The following MORN1 variants were observed in gnomAD, a reference collection of about 807,000 sequenced individuals.
MORN1 encodes MORN repeat containing 1.
Under a neutral mutation model 61.9 loss-of-function variants are expected in MORN1, and 67 were observed. The observed-to-expected ratio is 1.08, with a 90% CI of 0.89 to 1.33. The LOEUF is 1.33. MORN1 is among the 40% of genes most tolerant of loss of function. The pLI is 0.00. For synonymous variants in MORN1, 301 were observed against 292.0 expected, an observed-to-expected ratio of 1.03 and a Z score of -0.31; for missense variants, 752 against 691.2, an observed-to-expected ratio of 1.09 and a Z score of -0.99.
At chr1:2,388,412 C>A in intron 2 of MORN1, 75 bp from the exon 3 acceptor site, 1 of 1,192,656 alleles carries the variant, frequency 8.4e-7, no homozygotes, top group Non-Finnish European at 1.2e-6. Flanking sequence ...AGTGTTGGGC[C>A]TGTTTCTCAG....
chr1:2,389,900 A>G, intron 2 of MORN1, 25 bp downstream of exon 2: 2 of 1,609,264 alleles, frequency 1.2e-6, no homozygotes, highest in Non-Finnish European at 1.7e-6. Context: ...AGCAGCTGCA[A>G]GAAGAGACCA....
chr1:2,325,764 G>A (rs1400883125), intron 12 of MORN1, among the ~76,000 whole-genome samples: 1 of 150,286 alleles, frequency 6.7e-6, no homozygotes, highest in South Asian at 2.1e-4. Flanking sequence ...TAAGATTACA[G>A]GCACGTGCCA....
At chr1:2,323,041 C>G (rs1020281620) in intron 13 of MORN1, 2 of 985,452 alleles carry the variant, frequency 2.0e-6, no homozygotes, top group Non-Finnish European at 2.4e-6. Flanking sequence ...CTGTCTCCGC[C>G]GAGCACATAA....
chr1:2,345,879 C>T (rs1053359665), intron 10 of MORN1, among the ~76,000 whole-genome samples: 12 of 151,938 alleles, frequency 7.9e-5, no homozygotes, highest in East Asian at 1.9e-4. Flanking sequence ...ATCTCTATGA[C>T]GCACACCCCG....
intron 10 of MORN1, among the ~76,000 whole-genome samples, chr1:2,341,692 G>GAAAAAAAAAAAAA (rs68071614): frequency 7.5e-6 from 1 of 133,782 alleles, no homozygotes; most frequent in Non-Finnish European, 1.6e-5. Context: ...TCCGTCTCAA[G>GAAAAAAAAAAAAA]AAAAAAAAAA....
chr1:2,379,638 G>C (rs1642326909), intron 6 of MORN1, among the ~76,000 whole-genome samples: 2 of 152,236 alleles, frequency 1.3e-5, no homozygotes, highest in African/African-American at 4.8e-5. Context: ...CGGGTGCGCA[G>C]TGGTGGCCAC....
At chr1:2,331,871 G>A (rs1266400376) in intron 12 of MORN1, among the ~76,000 whole-genome samples, 2 of 94,584 alleles carry the variant, frequency 2.1e-5, no homozygotes, top group African/African-American at 4.9e-5. Context: ...CCTCTCCCTC[G>A]TGCGCCTCTC....
intron 13 of MORN1, chr1:2,322,605 C>T (rs994848464): frequency 1.0e-6 from 1 of 985,258 alleles, no homozygotes; most frequent in Non-Finnish European, 1.2e-6. Flanking sequence ...GACACACGTT[C>T]TGCAACCTGG....
intron 9 of MORN1, among the ~76,000 whole-genome samples, chr1:2,358,367 G>A (rs556342325): frequency 1.3e-5 from 2 of 152,282 alleles, no homozygotes; most frequent in South Asian, 4.1e-4. Context: ...GAGACTAGGG[G>A]CTCTGACCAG....
At position 2,367,620 on chromosome 1, in the gene MORN1, C is replaced by T. The variant is rs143243451; in HGVS notation, c.745+4861G>A. Among the ~76,000 whole-genome samples the T allele has an allele frequency of 1.8e-4, 28 of 152,256 alleles. No homozygotes were observed. In the East Asian group the frequency reaches 3.1e-3, roughly 17 times the overall value. On this transcript the variant is annotated intron_variant, in intron 8 of 13. Coordinates refer to ENST00000378531, the MANE Select transcript of MORN1 (RefSeq NM_024848.3). ...AGATTAATACCGAACGGTTCACAGTCCTAAATGTAAGAGCTAAAAATATGT... is the reference window on the plus strand; with the variant it reads ...AGATTAATACCGAACGGTTCACAGTTCTAAATGTAAGAGCTAAAAATATGT...
At chr1:2,333,020 C>G (rs1641192943) in intron 12 of MORN1, among the ~76,000 whole-genome samples, 1 of 152,234 alleles carries the variant, frequency 6.6e-6, no homozygotes, top group African/African-American at 2.4e-5. Context: ...GGGGCTTGCT[C>G]TGGAACTGGA....
In MORN1 at chr1:2,324,097, C is replaced by T; in HGVS notation, c.1297G>A (p.Gly433Arg). Reference protein sequence around the residue: ...TEEQAAAAHLGEYVLMIRDVT... With the variant: ...TEEQAAAAHLREYVLMIRDVT... ...ATGGACTTGGGCCCTGTCCACCTAC[C>T]TAGGTGTGCTGCCGCAGCCTGCTCC... The change falls in exon 13 of 14, where the codon GGG becomes AGG. Residue 433 changes from glycine to arginine, a missense_variant and splice_region_variant. Transcript: ENST00000378531. The T allele has an allele frequency of 1.9e-6, 3 of 1,598,584 alleles. No individual in the cohort carries two copies. Among genetic ancestry groups the T allele is most frequent in the South Asian group, 2.3e-5 (2 of 88,714 alleles).
At chr1:2,322,285 C>T (rs1195487979) in intron 13 of MORN1, 5 of 985,492 alleles carry the variant, frequency 5.1e-6, no homozygotes, top group South Asian at 4.7e-5. Flanking sequence ...CTGAGCCTGC[C>T]GGGGCTGGCA....
intron 10 of MORN1, chr1:2,355,044 A>C: frequency 9.0e-4 from 354 of 392,392 alleles, no homozygotes; most frequent in Middle Eastern, 1.3e-3. Flanking sequence ...CCCCCCAGGT[A>C]GGATCCGCCC....
At chr1:2,360,904 G>T (rs1641878797) in intron 8 of MORN1, among the ~76,000 whole-genome samples, 1 of 152,224 alleles carries the variant, frequency 6.6e-6, no homozygotes, top group African/African-American at 2.4e-5. Context: ...CCATTGGTGT[G>T]AGGCAGACGG....
At chr1:2,366,971 AATAC>A (rs1210331231) in intron 8 of MORN1, among the ~76,000 whole-genome samples, 2 of 151,232 alleles carry the variant, frequency 1.3e-5, no homozygotes, top group Non-Finnish European at 3.0e-5. Context: ...TACATAGAAA[AATAC>A]ATAGAAAAAT....
chr1:2,351,851 C>A, intron 10 of MORN1: 1 of 514,650 alleles, frequency 1.9e-6, no homozygotes, highest in Non-Finnish European at 3.8e-6. Flanking sequence ...TACTCTTGCC[C>A]ACGGTCACGA....
chr1:2,325,107 T>TCCTTCCCTA (rs1420079302), intron 12 of MORN1, among the ~76,000 whole-genome samples: 1 of 98,552 alleles, frequency 1.0e-5, no homozygotes, highest in African/African-American at 5.8e-5. Context: ...CTCTCCCCTT[T>TCCTTCCCTA]CCTTCCCTTC....
chr1:2,325,557 G>C (rs1232307505), intron 12 of MORN1, among the ~76,000 whole-genome samples: 1 of 151,718 alleles, frequency 6.6e-6, no homozygotes, highest in East Asian at 1.9e-4. Context: ...ATGTTGCCCA[G>C]GTTGGTCTCA....
Sources: allele counts gnomAD v4.1 joint callset (sites outside exome capture counted in the v4.1 genomes callset), GRCh38; gene constraint gnomAD v4.1.1; transcripts MANE v1.5; gene names NCBI Gene and HGNC (gene_info 2026-07-23, HGNC 2026-07-21).